ALG14: variants seen among roughly 807,000 people sequenced by gnomAD.
ALG14 encodes ALG14 UDP-N-acetylglucosaminyltransferase subunit.
ALG14 carries 17 observed loss-of-function variants against 22.8 expected under a neutral mutation model. That is an observed-to-expected ratio of 0.75 (90% CI 0.51 to 1.12). The LOEUF is 1.12. Ranked by LOEUF, ALG14 falls within the 50% of genes most tolerant of loss-of-function variation. The probability of loss-of-function intolerance (pLI) is 0.00; values close to 1 mark genes in which losing one functional copy is unlikely to be tolerated. For missense variants in ALG14, 288 were observed against 271.8 expected (o/e 1.06, Z -0.42); for synonymous variants, 89 against 103.7 (o/e 0.86, Z 0.86).
chr1:95,027,745 T>C (rs868175706), intron 2 of ALG14, among the ~76,000 whole-genome samples: 4 of 152,208 alleles, frequency 2.6e-5, no homozygotes, highest in Admixed American at 6.5e-5. Context: ...ACCAGTGTTG[T>C]TGAGAGTATG....
chr1:95,030,283 C>A (rs1183560318), intron 2 of ALG14, among the ~76,000 whole-genome samples: 2 of 151,846 alleles, frequency 1.3e-5, no homozygotes, highest in Non-Finnish European at 2.9e-5. Flanking sequence ...TCAGGTTTTG[C>A]CGTTAAATAA....
At chr1:95,038,289 G>C (rs1365181695) in intron 2 of ALG14, among the ~76,000 whole-genome samples, 1 of 152,174 alleles carries the variant, frequency 6.6e-6, no homozygotes, top group Non-Finnish European at 1.5e-5. Flanking sequence ...GGAGTTTTGA[G>C]ACCATCCTGG....
intron 2 of ALG14, 117 bp from the exon 3 acceptor site, chr1:95,027,377 A>T (rs1673854420): frequency 8.1e-7 from 1 of 1,241,184 alleles, no homozygotes; most frequent in African/African-American, 1.5e-5. Context: ...TTTTCATTCT[A>T]ACCACTTTTA....
intron 3 of ALG14, among the ~76,000 whole-genome samples, chr1:94,990,134 A>T (rs1162057401): frequency 6.6e-6 from 1 of 152,140 alleles, no homozygotes; most frequent in Non-Finnish European, 1.5e-5. Flanking sequence ...TAGAAAGAGA[A>T]GAATCTGAGA....
At chr1:95,023,533 G>C (rs1228218452) in intron 3 of ALG14, among the ~76,000 whole-genome samples, 1 of 152,216 alleles carries the variant, frequency 6.6e-6, no homozygotes, top group Non-Finnish European at 1.5e-5. Flanking sequence ...CAAAGCGTGA[G>C]TGAGTGTAGA....
intron 2 of ALG14, among the ~76,000 whole-genome samples, chr1:95,060,010 A>C (rs976155911): frequency 4.2e-5 from 6 of 141,282 alleles, no homozygotes; most frequent in African/African-American, 1.6e-4. Context: ...GCTGAGCTGA[A>C]GCGTAGAAAA....
chr1:95,028,430 C>G (rs1445149599), intron 2 of ALG14, among the ~76,000 whole-genome samples: 1 of 152,194 alleles, frequency 6.6e-6, no homozygotes, highest in Admixed American at 6.5e-5. Context: ...AACTTCTGGG[C>G]TCAAGTGATC....
At chr1:95,044,691 CAG>C (rs1447408967) in intron 2 of ALG14, among the ~76,000 whole-genome samples, 2 of 152,164 alleles carry the variant, frequency 1.3e-5, no homozygotes, top group Non-Finnish European at 2.9e-5. Flanking sequence ...CACCTTCTAA[CAG>C]ACTTTACTAT....
intron 3 of ALG14, among the ~76,000 whole-genome samples, chr1:94,995,927 T>G (rs1304052755): frequency 6.6e-6 from 1 of 152,220 alleles, no homozygotes; most frequent in Non-Finnish European, 1.5e-5. Flanking sequence ...TTTGTTGAAA[T>G]TAGGAGGTTT....
At chr1:95,040,868 A>C (rs1367977441) in intron 2 of ALG14, among the ~76,000 whole-genome samples, 2 of 152,228 alleles carry the variant, frequency 1.3e-5, no homozygotes, top group African/African-American at 4.8e-5. Flanking sequence ...GAAATTGGTT[A>C]AATTACCACA....
At chr1:94,994,631 T>G (rs1672862593) in intron 3 of ALG14, among the ~76,000 whole-genome samples, 1 of 152,214 alleles carries the variant, frequency 6.6e-6, no homozygotes, top group South Asian at 2.1e-4. Flanking sequence ...TACAGTTAGC[T>G]AGTGACATAG....
intron 3 of ALG14, among the ~76,000 whole-genome samples, chr1:95,026,246 TA>T (rs1673811744): frequency 1.3e-5 from 2 of 152,234 alleles, no homozygotes; most frequent in Admixed American, 1.3e-4. Context: ...GTAGCACTTT[TA>T]ATTTCCTTCA....
chr1:95,029,047 A>G (rs1277896196), intron 2 of ALG14, among the ~76,000 whole-genome samples: 1 of 152,228 alleles, frequency 6.6e-6, no homozygotes, highest in South Asian at 2.1e-4. Context: ...GCTTAAAACA[A>G]TAAGTATATT....
Position 94,982,645 on chromosome 1 carries a change from C to A in ALG14, c.*431G>T, listed in dbSNP as rs1163079000. 1 of 107,778 alleles carries A rather than the reference C, an allele frequency of 9.3e-6. No homozygotes were observed. Among genetic ancestry groups the A allele is most frequent in the African/African-American group, 3.6e-5 (1 of 27,530 alleles). 6.7% of individuals were successfully genotyped at this position (107,778 alleles called of 1,614,324 possible). A position where few individuals can be genotyped will look rare whatever the true frequency, so the allele number is the denominator to read the frequency against. The stretch of plus-strand genomic sequence containing the variant: ...GGAAATAAAGCCTTTTGTATCTGAA[C>A]CAAAACTCAGAAATACTTTTTTTCT... On this transcript the variant is annotated 3_prime_UTR_variant, in exon 4 of 4. Transcript: ENST00000370205.
intron 2 of ALG14, among the ~76,000 whole-genome samples, chr1:95,037,378 G>C (rs1171099848): frequency 6.6e-6 from 1 of 152,166 alleles, no homozygotes; most frequent in Non-Finnish European, 1.5e-5. Flanking sequence ...CATGAGGCAG[G>C]AGATGTTTGC....
intron 3 of ALG14, among the ~76,000 whole-genome samples, chr1:95,018,579 G>A (rs1438767006): frequency 2.6e-5 from 4 of 151,942 alleles, no homozygotes; most frequent in Non-Finnish European, 5.9e-5. Context: ...AAAAGGGACG[G>A]AAGGAAGGAA....
At chr1:95,056,143 T>C (rs939799522) in intron 2 of ALG14, among the ~76,000 whole-genome samples, 5 of 151,704 alleles carry the variant, frequency 3.3e-5, no homozygotes, top group Non-Finnish European at 5.9e-5. Context: ...AACAGCTATA[T>C]ATTAGAAGCA....
intron 2 of ALG14, chr1:95,061,917 G>T (rs1246681958): frequency 1.3e-5 from 2 of 152,070 alleles, no homozygotes; most frequent in Non-Finnish European, 2.9e-5. Context: ...ATGGATAAAG[G>T]CACTCACTCT....
At chr1:94,996,714 T>G (rs1472632268) in intron 3 of ALG14, among the ~76,000 whole-genome samples, 1 of 152,130 alleles carries the variant, frequency 6.6e-6, no homozygotes, top group Admixed American at 6.6e-5. Flanking sequence ...GGAGTTTTAC[T>G]CTTGTCACCC....
Sources: gnomAD v4.1 joint callset for allele counts (sites outside exome capture counted in the v4.1 genomes callset) on GRCh38, gnomAD v4.1.1 for gene constraint, MANE v1.5 for transcripts, NCBI Gene and HGNC (gene_info 2026-07-23, HGNC 2026-07-21) for gene names.